Variants in ACTN1 observed in about 807,000 individuals in gnomAD.
ACTN1 encodes the protein alpha-actinin-1.
Under a neutral mutation model 119.6 loss-of-function variants are expected in ACTN1, and 30 were observed. That is an observed-to-expected ratio of 0.25 (90% CI 0.19 to 0.34). The LOEUF (loss-of-function observed/expected upper bound fraction) is 0.34, where lower values mean the gene tolerates loss of function less well. Ranked by LOEUF, ACTN1 falls within the 10% of genes least tolerant of loss-of-function variation. The probability of loss-of-function intolerance (pLI) is 1.00; values close to 1 mark genes in which losing one functional copy is unlikely to be tolerated. For missense variants in ACTN1, 764 were observed against 1,223.4 expected, an observed-to-expected ratio of 0.62 and a Z score of 5.60; for synonymous variants, 429 against 472.6, an observed-to-expected ratio of 0.91 and a Z score of 1.20.
rs1438186130 is a variant in ACTN1 at position 68,880,392 on chromosome 14, AG to A, written c.2134-285del. Among the ~76,000 whole-genome samples the A allele has an allele frequency of 6.6e-6, 1 of 152,156 alleles. No individual in the cohort carries two copies. Among genetic ancestry groups the A allele is most frequent in the Non-Finnish European group, 1.5e-5 (1 of 68,014 alleles). On this transcript the variant is annotated intron_variant, in intron 17 of 21. Transcript: ENST00000394419. The surrounding 1 kb of genome is among the most constrained non-coding windows in gnomAD (Gnocchi z 4.6). ...CAGGAAGGAGGGCAGATTTGGGGGT[AG>A]GAAAGATTGAGACAAAAAAATGTGT...
intron 1 of ACTN1, among the ~76,000 whole-genome samples, chr14:68,930,304 A>C (rs1009733983): frequency 6.6e-6 from 1 of 152,216 alleles, no homozygotes; most frequent in African/African-American, 2.4e-5. Flanking sequence ...AATGTTGTTA[A>C]TTTATGTGAA....
Position 68,882,951 on chromosome 14 carries a change from C to G in ACTN1, c.1740G>C (p.Gln580His). 3.1e-6 allele frequency: 5 copies of G among 1,614,220 alleles called. No individual in the cohort carries two copies. Among genetic ancestry groups the G allele is most frequent in the Non-Finnish European group, 4.2e-6 (5 of 1,180,042 alleles). ...GIHNEVSKIVQTYHVNMAGTN... is the reference protein window; with the variant it reads ...GIHNEVSKIVHTYHVNMAGTN... ...TGCCCGCCATATTGACGTGGTAGGT[C>G]TGGACAATCTTGGACACCTCATTGT... Residue 580 changes from glutamine to histidine, a missense_variant, in exon 15 of 22, where the codon CAG becomes CAC. By Grantham distance (24) the Gln-to-His change is conservative. This residue lies in a region of ACTN1 where 544 missense variants were observed against 912.0 expected (regional missense o/e 0.60). Coordinates refer to ENST00000394419, the MANE Select transcript of ACTN1 (RefSeq NM_001130004.2). This position sits in a 1 kb window ranked among gnomAD's most constrained non-coding sequence, Gnocchi z 4.5.
rs781067137 is a variant in ACTN1, at chr14:68,881,936, C to CTTTTTTT, written c.1953+515_1953+521dup. On this transcript the variant is annotated intron_variant, in intron 16 of 21. Coordinates refer to ENST00000394419, the MANE Select transcript of ACTN1 (RefSeq NM_001130004.2). The stretch of plus-strand genomic sequence containing the variant: ...AGTATGGGACTTTCATAGGCAGCTT[C>CTTTTTTT]TTTTTTTTTTTTTTTTTTTGACAGA... Among the ~76,000 whole-genome samples the CTTTTTTT allele has an allele frequency of 2.2e-4, 13 of 58,392 alleles. 1 individual carries two copies. Among genetic ancestry groups the CTTTTTTT allele is most frequent in the African/African-American group, 6.3e-4 (6 of 9,526 alleles). The allele number at this position is 58,392 out of a possible 152,430, so 38.3% of individuals were successfully genotyped here.
intron 1 of ACTN1, among the ~76,000 whole-genome samples, chr14:68,972,066 C>T (rs75597826): frequency 1.0e-3 from 152 of 152,202 alleles, no homozygotes; most frequent in African/African-American, 3.6e-3. Context: ...GGAGAGCACA[C>T]GGAGAGAAGC....
chr14:68,893,603 T>C, intron 9 of ACTN1, 52 bp downstream of exon 9: 1 of 1,549,198 alleles, frequency 6.5e-7, no homozygotes, highest in East Asian at 2.2e-5. Context: ...GTACACGTTC[T>C]AGGGGACTGA....
chr14:68,909,480 A>G lies in ACTN1; in HGVS notation c.516-84T>C, dbSNP rs2033871049. 7.0e-6 allele frequency: 9 copies of G among 1,283,546 alleles called. No individual in the cohort carries two copies. Among genetic ancestry groups the G allele is most frequent in the Non-Finnish European group, 1.0e-5 (9 of 892,184 alleles). The allele number at this position is 1,283,546 out of a possible 1,614,324, so 79.5% of individuals were successfully genotyped here. A position where few individuals can be genotyped will look rare whatever the true frequency, so the allele number is the denominator to read the frequency against. On this transcript the variant is annotated intron_variant, in intron 5 of 21. Coordinates refer to ENST00000394419, the MANE Select transcript of ACTN1 (RefSeq NM_001130004.2). The surrounding 1 kb of genome is among the most constrained non-coding windows in gnomAD (Gnocchi z 4.1). Reference sequence around the variant, plus strand: ...CCAGGGCAAAGCAGGGGCCTCCTAGACACCAGAGAGATGAACACATAGAGC... The same window carrying G: ...CCAGGGCAAAGCAGGGGCCTCCTAGGCACCAGAGAGATGAACACATAGAGC...
At position 68,882,401 on chromosome 14, in the gene ACTN1, A is replaced by T; in HGVS notation, c.1953+57T>A. ...GAGACAGGCAGCCTGGCTGGCTAGG[A>T]TAGTGTCGGGGGGGAGGGGTGGGAG... On this transcript the variant is annotated intron_variant, in intron 16 of 21. Coordinates refer to ENST00000394419, the MANE Select transcript of ACTN1 (RefSeq NM_001130004.2). This position sits in a 1 kb window ranked among gnomAD's most constrained non-coding sequence, Gnocchi z 4.5. 7.0e-7 allele frequency: 1 copy of T among 1,430,768 alleles called. No homozygotes were observed. Among genetic ancestry groups the T allele is most frequent in the Admixed American group, 1.8e-5 (1 of 55,804 alleles). 88.6% of individuals were successfully genotyped at this position (1,430,768 alleles called of 1,614,324 possible).
rs531507168 is a variant in ACTN1 at position 68,879,888 on chromosome 14, C to G, written c.2280+74G>C. 8 of 1,562,682 alleles carry G rather than the reference C, an allele frequency of 5.1e-6. No homozygotes were observed. The highest frequency in any genetic ancestry group is 7.0e-6 in the Non-Finnish European group (8 of 1,149,378). On this transcript the variant is annotated intron_variant, in intron 18 of 21. Transcript: ENST00000394419. The surrounding 1 kb of genome is among the most constrained non-coding windows in gnomAD (Gnocchi z 4.9). ...CTCACTTGCATGGCAGCCCACGTCC[C>G]GGGGAAGTGCCCTCCAGGGCCCTGG... is the stretch of plus-strand genomic sequence containing the variant.
chr14:68,925,491 A>G lies in ACTN1; in HGVS notation c.220+67T>C. 7.4e-7 allele frequency: 1 copy of G among 1,346,530 alleles called. No homozygotes were observed. The highest frequency in any genetic ancestry group is 1.0e-6 in the Non-Finnish European group (1 of 964,250). 83.4% of individuals were successfully genotyped at this position (1,346,530 alleles called of 1,614,324 possible). A position where few individuals can be genotyped will look rare whatever the true frequency, so the allele number is the denominator to read the frequency against. On this transcript the variant is annotated intron_variant, in intron 2 of 21. Transcript: ENST00000394419. The surrounding 1 kb of genome is among the most constrained non-coding windows in gnomAD (Gnocchi z 4.3). The stretch of plus-strand genomic sequence containing the variant: ...CAAAACCAGCTGCGCTCATAGGCAG[A>G]GCAGATGCCAAGGTGTCAGGCAGCA...
At chr14:68,893,573 C>T (rs2032659370) in intron 9 of ACTN1, 82 bp downstream of exon 9, 1 of 1,337,174 alleles carries the variant, frequency 7.5e-7, no homozygotes, top group Non-Finnish European at 1.1e-6. Context: ...TGAGACTATG[C>T]TCCAAGGAAA....
chr14:68,901,947 A>T (rs2033368432), intron 8 of ACTN1, among the ~76,000 whole-genome samples: 1 of 152,236 alleles, frequency 6.6e-6, no homozygotes, highest in South Asian at 2.1e-4. Context: ...GGCAGGATAC[A>T]GGAGAAGGCA....
intron 1 of ACTN1, among the ~76,000 whole-genome samples, chr14:68,947,146 G>T (rs1468532309): frequency 6.6e-6 from 1 of 152,210 alleles, no homozygotes; most frequent in African/African-American, 2.4e-5. Context: ...CACCATTCTG[G>T]TTCAGGAGTT....
At chr14:68,975,525 C>G (rs2037031543) in intron 1 of ACTN1, among the ~76,000 whole-genome samples, 1 of 152,160 alleles carries the variant, frequency 6.6e-6, no homozygotes, top group African/African-American at 2.4e-5. Context: ...CTACACCAAG[C>G]TGATGCTCTC....
chr14:68,916,969 T>A (rs1030689378), intron 3 of ACTN1, among the ~76,000 whole-genome samples: 1 of 152,064 alleles, frequency 6.6e-6, no homozygotes, highest in Non-Finnish European at 1.5e-5. Context: ...TGCTGTGGTA[T>A]GGCACCCACC....
chr14:68,890,782 G>C (rs372213630), intron 10 of ACTN1, among the ~76,000 whole-genome samples: 2 of 152,148 alleles, frequency 1.3e-5, no homozygotes, highest in Non-Finnish European at 2.9e-5. Context: ...CAGAGACCCC[G>C]GCCTGGGTGA....
In ACTN1 at chr14:68,879,720, G is replaced by A. The variant is rs1038986931; in HGVS notation, c.2280+242C>T. On this transcript the variant is annotated intron_variant, in intron 18 of 21. Transcript: ENST00000394419. The surrounding 1 kb of genome is among the most constrained non-coding windows in gnomAD (Gnocchi z 4.9). ...GGAGAGCAAGGATCAGGGGTCAAAG[G>A]TCCTCTTTCTACCCACAGTCTGAAC... 7.6e-5 allele frequency: 36 copies of A among 474,166 alleles called. No homozygotes were observed. Among genetic ancestry groups the A allele is most frequent in the Admixed American group, 3.4e-4 (10 of 29,738 alleles). The allele number at this position is 474,166 out of a possible 1,614,324, so 29.4% of individuals were successfully genotyped here. A position where few individuals can be genotyped will look rare whatever the true frequency, so the allele number is the denominator to read the frequency against.
intron 1 of ACTN1, among the ~76,000 whole-genome samples, chr14:68,938,651 T>C (rs1360388140): frequency 1.3e-5 from 2 of 152,096 alleles, no homozygotes; most frequent in African/African-American, 2.4e-5. Flanking sequence ...TAGGTGTCAA[T>C]TGCCTCACCT....
chr14:68,897,760 G>A (rs1468439161), intron 8 of ACTN1, among the ~76,000 whole-genome samples: 1 of 152,222 alleles, frequency 6.6e-6, no homozygotes, highest in African/African-American at 2.4e-5. Flanking sequence ...TACTAAGAGA[G>A]CCCCAGATCA....
chr14:68,914,908 T>C (rs1264078713), intron 3 of ACTN1, among the ~76,000 whole-genome samples: 1 of 152,162 alleles, frequency 6.6e-6, no homozygotes, highest in Non-Finnish European at 1.5e-5. Context: ...AATTAATCAA[T>C]TAATCTGGGA....
Sources: allele counts gnomAD v4.1 joint callset (sites outside exome capture counted in the v4.1 genomes callset), GRCh38; gene constraint gnomAD v4.1.1; regional missense constraint gnomAD v4.1.1; non-coding constraint Gnocchi (gnomAD v3.1); transcripts MANE v1.5; gene names NCBI Gene and HGNC (gene_info 2026-07-23, HGNC 2026-07-21).